SPECC1L: variants seen among roughly 807,000 people sequenced by gnomAD.
SPECC1L encodes sperm antigen with calponin homology and coiled-coil domains 1 like, also known as cytospin-A.
SPECC1L carries 40 observed loss-of-function variants against 116.8 expected under a neutral mutation model. That is an observed-to-expected ratio of 0.34 (90% CI 0.27 to 0.45). The LOEUF (loss-of-function observed/expected upper bound fraction) is 0.45, where lower values mean the gene tolerates loss of function less well. Among genes scored for constraint, SPECC1L ranks in the 20% least tolerant of loss-of-function variants. SPECC1L has a pLI of 1.00. For missense variants in SPECC1L, 1,110 were observed against 1,373.6 expected (o/e 0.81, Z 3.03); for synonymous variants, 504 against 500.6 (o/e 1.01, Z -0.09).
Position 24,322,414 on chromosome 22 carries a change from C to A in SPECC1L, c.1434C>A (p.Val478=). 1 of 1,614,104 alleles carries A rather than the reference C, an allele frequency of 6.2e-7. No individual in the cohort carries two copies. Among genetic ancestry groups the A allele is most frequent in the South Asian group, 1.1e-5 (1 of 91,054 alleles). Residue 478 remains valine (V), a synonymous_variant, in exon 5 of 17, where the codon GTC becomes GTA. Coordinates refer to ENST00000314328, the MANE Select transcript of SPECC1L (RefSeq NM_015330.6). ...TAGATGAGCATCACATTTCTTATGT[C>A]ATAGATGAAGATGTAAAAAGTGGGC... ...SLLDEHHISY[V]IDEDVKSGRY...
Position 24,345,854 on chromosome 22 carries a change from C to T in SPECC1L, c.2653-1232C>T, listed in dbSNP as rs187350206. On this transcript the variant is annotated intron_variant, in intron 10 of 16. Coordinates refer to ENST00000314328, the MANE Select transcript of SPECC1L (RefSeq NM_015330.6). ...AGTTAGCCAGATAAAAAGGGCTGGG[C>T]GAAATCTGTGGGAGTGAAGCACAAG... 1.6e-3 allele frequency among the ~76,000 whole-genome samples: 242 copies of T among 152,032 alleles called. 1 individual carries two copies. Among genetic ancestry groups the T allele is most frequent in the Non-Finnish European group, 2.6e-3 (174 of 67,972 alleles).
chr22:24,279,350 C>T (rs544476555), intron 2 of SPECC1L, among the ~76,000 whole-genome samples: 4 of 152,132 alleles, frequency 2.6e-5, no homozygotes, highest in Admixed American at 6.5e-5. Context: ...TGCAGTTCAA[C>T]GTTTCTCTTC....
intron 16 of SPECC1L, 112 bp downstream of exon 16, chr22:24,412,819 A>C: frequency 8.5e-7 from 1 of 1,176,924 alleles, no homozygotes; most frequent in African/African-American, 1.5e-5. Flanking sequence ...CTGCCTGGTA[A>C]AAGGCAGCTA....
chr22:24,369,245 A>C lies in SPECC1L; in HGVS notation c.3012A>C (p.Ala1004=). 1 of 1,613,872 alleles carries C rather than the reference A, an allele frequency of 6.2e-7. No homozygotes were observed. ...AAGAAAGGAAAGACCCTCTCTCAGC[A>C]TTGGCCAGAGAATATGGAGGATCAA... ...IREERKDPLS[A]LAREYGGSKR... Residue 1004 remains alanine (A), a synonymous_variant, in exon 14 of 17, where the codon GCA becomes GCC. Transcript: ENST00000314328.
At chr22:24,329,803 A>AT (rs953666025) in intron 7 of SPECC1L, among the ~76,000 whole-genome samples, 120 of 144,092 alleles carry the variant, frequency 8.3e-4, no homozygotes, top group African/African-American at 2.0e-3. Context: ...TTTTCTTTTG[A>AT]TTTTTTTTTT....
At chr22:24,284,177 TTTC>T (rs1365520843) in intron 2 of SPECC1L, among the ~76,000 whole-genome samples, 1 of 152,156 alleles carries the variant, frequency 6.6e-6, no homozygotes, top group Non-Finnish European at 1.5e-5. Context: ...ATTTGAGTCT[TTTC>T]TTCTTTTCCA....
chr22:24,336,651 A>G (rs2041064827), intron 9 of SPECC1L, among the ~76,000 whole-genome samples: 1 of 152,212 alleles, frequency 6.6e-6, no homozygotes, highest in East Asian at 1.9e-4. Flanking sequence ...TTAAAATTAT[A>G]CACCTATTCA....
chr22:24,320,319 T>G (rs2040695863), intron 4 of SPECC1L, among the ~76,000 whole-genome samples: 3 of 152,230 alleles, frequency 2.0e-5, no homozygotes, highest in Admixed American at 2.0e-4. Context: ...CTTCCTGTTC[T>G]TTTTGTATTA....
At chr22:24,299,917 T>TA (rs2049343073) in intron 2 of SPECC1L, among the ~76,000 whole-genome samples, 2 of 152,214 alleles carry the variant, frequency 1.3e-5, no homozygotes, top group African/African-American at 4.8e-5. Context: ...GGCAATCACT[T>TA]ATATTCTTTT....
chr22:24,302,930 CGAT>C (rs75972989), intron 3 of SPECC1L, among the ~76,000 whole-genome samples: 3,733 of 151,838 alleles, frequency 0.025, 49 homozygotes, highest in Non-Finnish European at 0.038. Context: ...AGCTGGTCCA[CGAT>C]GATGATGATG....
At chr22:24,315,383 T>G (rs974752759) in intron 4 of SPECC1L, among the ~76,000 whole-genome samples, 1 of 152,284 alleles carries the variant, frequency 6.6e-6, no homozygotes, top group Non-Finnish European at 1.5e-5. Flanking sequence ...ATGAGAAAGC[T>G]TAAGTGTCTT....
At chr22:24,381,447 A>G (rs1308384336) in intron 14 of SPECC1L, among the ~76,000 whole-genome samples, 1 of 152,238 alleles carries the variant, frequency 6.6e-6, no homozygotes, top group Non-Finnish European at 1.5e-5. Flanking sequence ...TACTTCATTA[A>G]TATGTGGGCC....
Position 24,365,474 on chromosome 22 carries a change from A to G in SPECC1L, c.2828-2A>G, listed in dbSNP as rs2041742439. ...AGAGTGCATAATGACTATTTCTCAC[A>G]GTGTCTCGACGAAGTAGTGAAGAAG... On this transcript the variant is annotated splice_acceptor_variant, in intron 12 of 16. Transcript: ENST00000314328. LOFTEE classifies it high-confidence loss of function. The G allele has an allele frequency of 1.2e-6, 2 of 1,614,008 alleles. No homozygotes were observed. The highest frequency in any genetic ancestry group is 1.7e-6 in the Non-Finnish European group (2 of 1,179,944).
At chr22:24,403,539 G>T (rs1023243278) in intron 14 of SPECC1L, among the ~76,000 whole-genome samples, 2 of 152,112 alleles carry the variant, frequency 1.3e-5, no homozygotes, top group African/African-American at 4.8e-5. Context: ...ACTTTAAAGG[G>T]CTCTGCTGGC....
chr22:24,380,136 G>T (rs987716509), intron 14 of SPECC1L, among the ~76,000 whole-genome samples: 2 of 152,204 alleles, frequency 1.3e-5, no homozygotes, highest in African/African-American at 4.8e-5. Context: ...CTCCCAAAGT[G>T]CTGGGATTAA....
chr22:24,301,866 G>A (rs2049385972), intron 2 of SPECC1L, among the ~76,000 whole-genome samples: 1 of 151,988 alleles, frequency 6.6e-6, no homozygotes. Context: ...CTAACACGGT[G>A]AAACCCTGTC....
At chr22:24,354,180 C>G (rs2041481095) in intron 11 of SPECC1L, among the ~76,000 whole-genome samples, 1 of 152,148 alleles carries the variant, frequency 6.6e-6, no homozygotes, top group African/African-American at 2.4e-5. Context: ...ACCCGGGTAC[C>G]TCCTACCAGG....
intron 2 of SPECC1L, among the ~76,000 whole-genome samples, chr22:24,283,895 TC>T (rs2048992831): frequency 6.6e-6 from 1 of 152,318 alleles, no homozygotes; most frequent in Non-Finnish European, 1.5e-5. Context: ...TAAAGTGGTT[TC>T]TAACAGTCTC....
intron 11 of SPECC1L, 101 bp from the exon 12 acceptor site, chr22:24,363,160 G>C: frequency 9.7e-7 from 1 of 1,028,108 alleles, no homozygotes. Flanking sequence ...AGAAGGATGA[G>C]CTTCAAGGCT....
Sources: allele counts gnomAD v4.1 joint callset (sites outside exome capture counted in the v4.1 genomes callset), GRCh38; gene constraint gnomAD v4.1.1; transcripts MANE v1.5; gene names NCBI Gene and HGNC (gene_info 2026-07-23, HGNC 2026-07-21).